Variants in ASTN2 observed in about 807,000 individuals in gnomAD.
ASTN2 encodes the protein astrotactin-2.
In ASTN2, 54 loss-of-function variants were observed where a neutral mutation model predicts 139.8. The observed-to-expected ratio is 0.39, with a 90% CI of 0.31 to 0.48. The LOEUF (loss-of-function observed/expected upper bound fraction) is 0.48, where lower values mean the gene tolerates loss of function less well. ASTN2 is among the 20% of genes least tolerant of loss of function. The pLI is 0.95. For missense variants in ASTN2, 1,565 were observed against 1,725.1 expected, an observed-to-expected ratio of 0.91 and a Z score of 1.64; for synonymous variants, 756 against 719.5, an observed-to-expected ratio of 1.05 and a Z score of -0.81.
chr9:116,578,412 G>A (rs912786132), intron 19 of ASTN2, among the ~76,000 whole-genome samples: 19 of 152,006 alleles, frequency 1.2e-4, no homozygotes, highest in African/African-American at 3.1e-4. Context: ...GTAACAATGT[G>A]AATATCTACC....
chr9:116,912,312 T>C (rs1270942683), intron 10 of ASTN2, among the ~76,000 whole-genome samples: 1 of 152,214 alleles, frequency 6.6e-6, no homozygotes, highest in African/African-American at 2.4e-5. Context: ...ATGCAACCCA[T>C]AATATCTCTT....
At chr9:117,065,364 C>A (rs1827905060) in intron 5 of ASTN2, among the ~76,000 whole-genome samples, 1 of 152,140 alleles carries the variant, frequency 6.6e-6, no homozygotes. Context: ...TCACATCCTG[C>A]ACATGGTGAG....
chr9:117,170,414 C>T (rs909775839), intron 3 of ASTN2, among the ~76,000 whole-genome samples: 4 of 152,064 alleles, frequency 2.6e-5, no homozygotes, highest in Non-Finnish European at 5.9e-5. Flanking sequence ...TAGGTGACAA[C>T]ACTGATGAAG....
intron 2 of ASTN2, among the ~76,000 whole-genome samples, chr9:117,276,505 A>G (rs575365803): frequency 6.6e-6 from 1 of 152,332 alleles, no homozygotes; most frequent in East Asian, 1.9e-4. Flanking sequence ...TGGCACAGCC[A>G]CCAACATATT....
chr9:116,708,106 T>C (rs1418822894), intron 16 of ASTN2, among the ~76,000 whole-genome samples: 1 of 151,066 alleles, frequency 6.6e-6, no homozygotes, highest in Non-Finnish European at 1.5e-5. Context: ...AAATAGTTAA[T>C]ATGGCCCAAT....
intron 16 of ASTN2, among the ~76,000 whole-genome samples, chr9:116,710,224 C>T (rs1417626829): frequency 6.6e-6 from 1 of 152,140 alleles, no homozygotes; most frequent in African/African-American, 2.4e-5. Flanking sequence ...CTTTCTCAAA[C>T]CATGTTTGGA....
chr9:116,904,216 A>T (rs1834096862), intron 10 of ASTN2, among the ~76,000 whole-genome samples: 1 of 152,148 alleles, frequency 6.6e-6, no homozygotes, highest in Non-Finnish European at 1.5e-5. Flanking sequence ...ATACGGTAGA[A>T]ATTGAGCAGC....
chr9:117,412,148 C>T (rs1404610535), intron 1 of ASTN2, among the ~76,000 whole-genome samples: 1 of 152,168 alleles, frequency 6.6e-6, no homozygotes, highest in Non-Finnish European at 1.5e-5. Flanking sequence ...TACACAGCTC[C>T]TGCTATACCC....
chr9:117,264,857 A>T (rs1833906392), intron 2 of ASTN2, among the ~76,000 whole-genome samples: 1 of 152,216 alleles, frequency 6.6e-6, no homozygotes, highest in Non-Finnish European at 1.5e-5. Flanking sequence ...ATACAAAGAA[A>T]TCACACACAT....
rs1380464140 is a variant in ASTN2, at chr9:116,697,762, C to T, written c.2806+28009G>A. 4.3e-6 allele frequency: 7 copies of T among 1,613,972 alleles called. No individual in the cohort carries two copies. In the Admixed American group the frequency reaches 6.7e-5, roughly 15 times the overall value. ...AGAGCAATGGCTGCAGCAGCAGCTT[C>T]TCACCTGAACCTGGATGCCCTCCGG... is the stretch of plus-strand genomic sequence containing the variant. On this transcript the variant is annotated intron_variant, in intron 16 of 22. Coordinates refer to ENST00000313400, the MANE Select transcript of ASTN2 (RefSeq NM_001365068.1).
chr9:117,264,728 A>G (rs1246784199), intron 2 of ASTN2, among the ~76,000 whole-genome samples: 1 of 152,222 alleles, frequency 6.6e-6, no homozygotes, highest in African/African-American at 2.4e-5. Context: ...AAAACAAGAT[A>G]TCCAAACTTA....
At chr9:117,034,038 G>A (rs143257721) in intron 6 of ASTN2, among the ~76,000 whole-genome samples, 196 of 152,102 alleles carry the variant, frequency 1.3e-3, no homozygotes, top group African/African-American at 4.6e-3. Context: ...TCAATCTTGT[G>A]GCTGCCAAAT....
rs763817002 is a variant in ASTN2, at chr9:116,699,269, C to T, written c.2806+26502G>A. 3.1e-6 allele frequency: 5 copies of T among 1,614,060 alleles called. No homozygotes were observed. The highest frequency in any genetic ancestry group is 1.1e-5 in the South Asian group (1 of 91,088). ...GATCAGGGGTGGTCAAATACAGCTG[C>T]CTATGTAGTGCTGTGCGGCCCAAAT... On this transcript the variant is annotated intron_variant, in intron 16 of 22. Coordinates refer to ENST00000313400, the MANE Select transcript of ASTN2 (RefSeq NM_001365068.1). This position sits in a 1 kb window ranked among gnomAD's most constrained non-coding sequence, Gnocchi z 4.2.
intron 1 of ASTN2, among the ~76,000 whole-genome samples, chr9:117,355,428 C>T (rs534040911): frequency 5.3e-5 from 8 of 152,284 alleles, no homozygotes; most frequent in African/African-American, 1.4e-4. Flanking sequence ...CTTTCAGTAA[C>T]GCTGTGTGCT....
chr9:117,139,626 CA>C (rs1484199375), intron 4 of ASTN2, among the ~76,000 whole-genome samples: 1 of 152,172 alleles, frequency 6.6e-6, no homozygotes, highest in African/African-American at 2.4e-5. Context: ...CAACAGATAG[CA>C]AACATCTACT....
chr9:117,212,456 A>G (rs1431220817), intron 3 of ASTN2, among the ~76,000 whole-genome samples: 1 of 152,154 alleles, frequency 6.6e-6, no homozygotes, highest in African/African-American at 2.4e-5. Context: ...AAAGGAAACA[A>G]CAGAATGAAA....
chr9:116,681,116 T>A (rs1224089024), intron 16 of ASTN2, among the ~76,000 whole-genome samples: 1 of 152,196 alleles, frequency 6.6e-6, no homozygotes, highest in Non-Finnish European at 1.5e-5. Flanking sequence ...ATTGTATATC[T>A]AGAAAACCCC....
intron 20 of ASTN2, among the ~76,000 whole-genome samples, chr9:116,485,473 A>G (rs1849308207): frequency 6.6e-6 from 1 of 152,214 alleles, no homozygotes. Context: ...AATCGCTCTT[A>G]ATGTAGTCAC....
chr9:116,823,833 A>T (rs1262843493), intron 11 of ASTN2, among the ~76,000 whole-genome samples: 1 of 152,190 alleles, frequency 6.6e-6, no homozygotes, highest in Non-Finnish European at 1.5e-5. Flanking sequence ...AGTTACCATC[A>T]TTCCTTCCTC....
Sources: gnomAD v4.1 joint callset for allele counts (sites outside exome capture counted in the v4.1 genomes callset) on GRCh38, gnomAD v4.1.1 for gene constraint, Gnocchi (gnomAD v3.1) non-coding constraint, MANE v1.5 for transcripts, NCBI Gene and HGNC (gene_info 2026-07-23, HGNC 2026-07-21) for gene names.